Variants in GRIA2 observed in about 807,000 individuals in gnomAD.
The protein encoded by GRIA2 is glutamate receptor 2.
Under a neutral mutation model 97.3 loss-of-function variants are expected in GRIA2, and 14 were observed. That is an observed-to-expected ratio of 0.14 (90% CI 0.10 to 0.23). GRIA2 has a LOEUF of 0.23. Among genes scored for constraint, GRIA2 ranks in the 10% least tolerant of loss-of-function variants. The probability of loss-of-function intolerance (pLI) is 1.00; values close to 1 mark genes in which losing one functional copy is unlikely to be tolerated. For synonymous variants in GRIA2, 412 were observed against 387.8 expected, an observed-to-expected ratio of 1.06 and a Z score of -0.73; for missense variants, 558 against 1,069.8, an observed-to-expected ratio of 0.52 and a Z score of 6.67.
chr4:157,247,567 T>G (rs1730787018), intron 2 of GRIA2, among the ~76,000 whole-genome samples: 1 of 152,060 alleles, frequency 6.6e-6, no homozygotes, highest in South Asian at 2.1e-4. Context: ...GTCACATTAT[T>G]CCAGGACTGA....
At chr4:157,356,674 T>C (rs558041536) in intron 12 of GRIA2, among the ~76,000 whole-genome samples, 1 of 152,292 alleles carries the variant, frequency 6.6e-6, no homozygotes, top group Non-Finnish European at 1.5e-5. Flanking sequence ...AACATGAAAT[T>C]GCTGGATTCC....
chr4:157,225,554 T>C (rs1225895138), intron 2 of GRIA2, among the ~76,000 whole-genome samples: 2 of 151,960 alleles, frequency 1.3e-5, no homozygotes, highest in Non-Finnish European at 2.9e-5. Context: ...CAATCATTCA[T>C]TCAATAAATG....
intron 7 of GRIA2, 110 bp downstream of exon 7, chr4:157,333,096 G>T: frequency 2.0e-6 from 2 of 998,486 alleles, no homozygotes; most frequent in Admixed American, 5.6e-5. Flanking sequence ...TACAGGCAAT[G>T]TTCTTTTCTA....
chr4:157,351,373 C>G (rs990523553), intron 12 of GRIA2, among the ~76,000 whole-genome samples: 3 of 152,042 alleles, frequency 2.0e-5, no homozygotes, highest in Non-Finnish European at 2.9e-5. Flanking sequence ...CTTGCTCTTC[C>G]TCTACATTAT....
chr4:157,355,851 A>T lies in GRIA2; in HGVS notation c.2044-4045A>T, dbSNP rs1227302383. Reference sequence around the variant, plus strand: ...TATATATATTTTTATATATTTATTTATATATATGTATATATTAACATATTT... The same window carrying T: ...TATATATATTTTTATATATTTATTTTTATATATGTATATATTAACATATTT... On this transcript the variant is annotated intron_variant, in intron 12 of 15. Transcript: ENST00000264426. Among the ~76,000 whole-genome samples, 49 of 25,646 alleles carry T rather than the reference A, an allele frequency of 1.9e-3. 1 individual carries two copies. The East Asian group carries it at 0.091, about 48-fold the overall frequency. 16.8% of individuals were successfully genotyped at this position (25,646 alleles called of 152,430 possible).
At chr4:157,312,955 A>G in intron 4 of GRIA2, 80 bp downstream of exon 4, 1 of 822,958 alleles carries the variant, frequency 1.2e-6, no homozygotes, top group South Asian at 2.0e-5. Flanking sequence ...GTATTTGTGT[A>G]AGGTGCTTGA....
At chr4:157,297,310 A>G (rs572357770) in intron 2 of GRIA2, among the ~76,000 whole-genome samples, 1 of 152,142 alleles carries the variant, frequency 6.6e-6, no homozygotes, top group Non-Finnish European at 1.5e-5. Context: ...TTATTTCAAC[A>G]CATAAGCACT....
intron 12 of GRIA2, 150 bp from the exon 13 acceptor site, chr4:157,359,746 G>T (rs575630682): frequency 6.6e-5 from 43 of 651,622 alleles, no homozygotes; most frequent in Non-Finnish European, 1.1e-4. Context: ...TCATAGAATT[G>T]TTATTAGTGA....
At chr4:157,314,172 G>A (rs1198463895) in intron 4 of GRIA2, among the ~76,000 whole-genome samples, 1 of 152,130 alleles carries the variant, frequency 6.6e-6, no homozygotes, top group African/African-American at 2.4e-5. Flanking sequence ...CACTGTGGCT[G>A]CTAGTGCCTT....
In GRIA2 at chr4:157,365,800, A is replaced by C. The variant is rs1736860663; in HGVS notation, c.*2369A>C. On this transcript the variant is annotated 3_prime_UTR_variant, in exon 16 of 16. Coordinates refer to ENST00000264426, the MANE Select transcript of GRIA2 (RefSeq NM_001083619.3). ...CTGTTATGGAAAGACCAAAATGTTTATGAACTATTCTTATGTAAATTTACA... is the reference window on the plus strand; with the variant it reads ...CTGTTATGGAAAGACCAAAATGTTTCTGAACTATTCTTATGTAAATTTACA... The C allele has an allele frequency of 6.6e-6, 1 of 151,938 alleles. No homozygotes were observed. Among genetic ancestry groups the C allele is most frequent in the African/African-American group, 2.4e-5 (1 of 41,382 alleles). The allele number at this position is 151,938 out of a possible 1,614,324, so 9.4% of individuals were successfully genotyped here. A position where few individuals can be genotyped will look rare whatever the true frequency, so the allele number is the denominator to read the frequency against.
chr4:157,317,687 G>T lies in GRIA2; in HGVS notation c.696G>T (p.Gly232=). ...QVITIGKHVK[G]YHYIIANLGF... ...TTACCATTGGAAAACATGTTAAAGG[G>T]TACCACTACATCATTGCAAATCTGG... Residue 232 remains glycine (G), a synonymous_variant, in exon 5 of 16, where the codon GGG becomes GGT. Transcript: ENST00000264426. 8.2e-7 allele frequency: 1 copy of T among 1,224,868 alleles called. No individual in the cohort carries two copies. The highest frequency in any genetic ancestry group is 2.4e-5 in the East Asian group (1 of 41,960). The allele number at this position is 1,224,868 out of a possible 1,614,324, so 75.9% of individuals were successfully genotyped here.
chr4:157,364,093 C>T lies in GRIA2; in HGVS notation c.*662C>T, dbSNP rs901867698. The T allele has an allele frequency of 1.3e-5, 2 of 152,356 alleles. No homozygotes were observed. The highest frequency in any genetic ancestry group is 1.9e-4 in the East Asian group (1 of 5,176). 9.4% of individuals were successfully genotyped at this position (152,356 alleles called of 1,614,324 possible). A position where few individuals can be genotyped will look rare whatever the true frequency, so the allele number is the denominator to read the frequency against. On this transcript the variant is annotated 3_prime_UTR_variant, in exon 16 of 16. Transcript: ENST00000264426. Reference sequence around the variant, plus strand: ...TGAGTGGGAAGTGAATAAAAAAAGGCTTTAGGTATCGATTCCATATTTTTC... The same window carrying T: ...TGAGTGGGAAGTGAATAAAAAAAGGTTTTAGGTATCGATTCCATATTTTTC...
At chr4:157,266,483 C>T (rs1390537558) in intron 2 of GRIA2, among the ~76,000 whole-genome samples, 1 of 151,774 alleles carries the variant, frequency 6.6e-6, no homozygotes, top group African/African-American at 2.4e-5. Context: ...AAGCGGTTTC[C>T]AGTAGGTTAT....
chr4:157,248,142 T>C (rs1730818808), intron 2 of GRIA2, among the ~76,000 whole-genome samples: 1 of 151,314 alleles, frequency 6.6e-6, no homozygotes, highest in Non-Finnish European at 1.5e-5. Context: ...ATCCAGTCGA[T>C]AGTCTATATT....
At chr4:157,300,487 G>T (rs536959003) in intron 2 of GRIA2, among the ~76,000 whole-genome samples, 5 of 152,006 alleles carry the variant, frequency 3.3e-5, no homozygotes, top group Non-Finnish European at 5.9e-5. Context: ...TCCTGCTTGG[G>T]GACAGAGACA....
intron 2 of GRIA2, among the ~76,000 whole-genome samples, chr4:157,282,586 T>G (rs1378604886): frequency 1.3e-5 from 2 of 151,924 alleles, no homozygotes; most frequent in Non-Finnish European, 2.9e-5. Context: ...GAGACAAAAA[T>G]AGATTTCAGG....
chr4:157,317,936 A>G (rs527900471), intron 5 of GRIA2, among the ~76,000 whole-genome samples: 35 of 152,230 alleles, frequency 2.3e-4, no homozygotes, highest in Admixed American at 9.2e-4. Context: ...AGATCCCACC[A>G]TTGTACTCCA....
At chr4:157,236,449 C>CT (rs1730250320) in intron 2 of GRIA2, among the ~76,000 whole-genome samples, 2 of 152,056 alleles carry the variant, frequency 1.3e-5, no homozygotes, top group South Asian at 4.2e-4. Context: ...TTTTCCTCTT[C>CT]TTTTTTTCTA....
chr4:157,361,662 T>G lies in GRIA2; in HGVS notation c.2406+538T>G. The stretch of plus-strand genomic sequence containing the variant: ...GGACTCTGGAAGTAAGGTCAGTTGC[T>G]GCAGGTTTTATGTGAAAAAACAAAA... On this transcript the variant is annotated intron_variant, in intron 14 of 15. Coordinates refer to ENST00000264426, the MANE Select transcript of GRIA2 (RefSeq NM_001083619.3). This position sits in a 1 kb window ranked among gnomAD's most constrained non-coding sequence, Gnocchi z 5.2. The G allele has an allele frequency of 6.3e-7, 1 of 1,586,272 alleles. No individual in the cohort carries two copies. Among genetic ancestry groups the G allele is most frequent in the Non-Finnish European group, 8.7e-7 (1 of 1,155,350 alleles).
Sources: allele counts gnomAD v4.1 joint callset (sites outside exome capture counted in the v4.1 genomes callset), GRCh38; gene constraint gnomAD v4.1.1; non-coding constraint Gnocchi (gnomAD v3.1); transcripts MANE v1.5; gene names NCBI Gene and HGNC (gene_info 2026-07-23, HGNC 2026-07-21).